ATP8A1: variants seen among roughly 807,000 people sequenced by gnomAD.
The protein encoded by ATP8A1 is phospholipid-transporting ATPase IA.
In ATP8A1, 90 loss-of-function variants were observed where a neutral mutation model predicts 177.7. That is an observed-to-expected ratio of 0.51 (90% CI 0.43 to 0.60). ATP8A1 has a LOEUF of 0.60. Ranked by LOEUF, ATP8A1 falls within the 20% of genes least tolerant of loss-of-function variation. The pLI is 0.00. For missense variants in ATP8A1, 1,072 were observed against 1,392.8 expected, an observed-to-expected ratio of 0.77 and a Z score of 3.67; for synonymous variants, 493 against 485.9, an observed-to-expected ratio of 1.01 and a Z score of -0.19.
At chr4:42,426,073 T>C (rs1202497064) in intron 33 of ATP8A1, among the ~76,000 whole-genome samples, 2 of 152,214 alleles carry the variant, frequency 1.3e-5, no homozygotes, top group Admixed American at 6.5e-5. Flanking sequence ...GAAGAGGAAT[T>C]GTTCTGAAAT....
At chr4:42,540,999 A>C (rs1177898985) in intron 20 of ATP8A1, among the ~76,000 whole-genome samples, 1 of 152,058 alleles carries the variant, frequency 6.6e-6, no homozygotes, top group African/African-American at 2.4e-5. Context: ...GTACCCCATA[A>C]ATGTGTACAA....
chr4:42,641,321 C>T (rs192368740), intron 1 of ATP8A1, among the ~76,000 whole-genome samples: 90 of 152,208 alleles, frequency 5.9e-4, no homozygotes, highest in Non-Finnish European at 1.2e-3. Flanking sequence ...GCTTTTATTG[C>T]TTTCTTATCA....
At chr4:42,567,573 A>T (rs79916448) in intron 15 of ATP8A1, among the ~76,000 whole-genome samples, 1 of 152,180 alleles carries the variant, frequency 6.6e-6, no homozygotes, top group Non-Finnish European at 1.5e-5. Context: ...CGGTAGTGAA[A>T]GCCTTCCCTA....
At position 42,452,837 on chromosome 4, in the gene ATP8A1, T is replaced by G. The variant is rs562193714; in HGVS notation, c.2818-778A>C. On this transcript the variant is annotated intron_variant, in intron 29 of 36. Coordinates refer to ENST00000381668, the MANE Select transcript of ATP8A1 (RefSeq NM_006095.2). Reference sequence around the variant, plus strand: ...AGTTTTGTCATTTAAAAGTGCTTCTTGCAAACAAAACTTATGCTAAATAAA... The same window carrying G: ...AGTTTTGTCATTTAAAAGTGCTTCTGGCAAACAAAACTTATGCTAAATAAA... Among the ~76,000 whole-genome samples, 23 of 152,348 alleles carry G rather than the reference T, an allele frequency of 1.5e-4. No homozygotes were observed. In the South Asian group the frequency reaches 4.8e-3, roughly 32 times the overall value.
intron 18 of ATP8A1, among the ~76,000 whole-genome samples, chr4:42,549,578 C>T (rs1055439874): frequency 1.3e-5 from 2 of 151,926 alleles, no homozygotes. Flanking sequence ...CAAAGGAGCT[C>T]AGGAGTTCAA....
At chr4:42,611,193 T>C (rs1428024884) in intron 5 of ATP8A1, among the ~76,000 whole-genome samples, 2 of 152,174 alleles carry the variant, frequency 1.3e-5, no homozygotes, top group East Asian at 3.8e-4. Context: ...TTAGTGGCTA[T>C]CAGCTGTCAC....
chr4:42,522,352 T>C, intron 21 of ATP8A1, 53 bp from the exon 22 acceptor site: 4 of 1,580,822 alleles, frequency 2.5e-6, no homozygotes, highest in Non-Finnish European at 3.4e-6. Context: ...TCTTCAGAAG[T>C]CTGAGGTTTC....
chr4:42,518,477 C>G (rs71610024), intron 22 of ATP8A1, among the ~76,000 whole-genome samples: 15 of 152,168 alleles, frequency 9.9e-5, no homozygotes, highest in Non-Finnish European at 1.8e-4. Context: ...GGAGCACCCA[C>G]GAGGGCAAGG....
Position 42,578,311 on chromosome 4 carries a change from T to TAAGC in ATP8A1, c.1073_1076dup (p.Val361IlefsTer20). 1 of 1,611,986 alleles carries TAAGC rather than the reference T, an allele frequency of 6.2e-7. No individual in the cohort carries two copies. The highest frequency in any genetic ancestry group is 8.5e-7 in the Non-Finnish European group (1 of 1,178,834). On this transcript the variant is annotated frameshift_variant, in exon 12 of 37. Transcript: ENST00000381668. LOFTEE classifies it high-confidence loss of function. ...ATTTCACAACTTCTAATGTAACCAA[T>TAAGC]AAGCTGATAGGAATGAGATTGTTGA...
intron 16 of ATP8A1, among the ~76,000 whole-genome samples, chr4:42,554,908 C>T (rs1351247375): frequency 6.6e-6 from 1 of 152,178 alleles, no homozygotes; most frequent in African/African-American, 2.4e-5. Flanking sequence ...AAAGGCTAGA[C>T]TGGCTTAGCC....
intron 25 of ATP8A1, chr4:42,472,374 A>G: frequency 2.7e-6 from 1 of 377,260 alleles, no homozygotes; most frequent in South Asian, 2.3e-5. Context: ...CAGAGTTTCC[A>G]TTGTAAACAA....
chr4:42,513,524 TGG>T (rs1411016262), intron 22 of ATP8A1, among the ~76,000 whole-genome samples: 25 of 151,526 alleles, frequency 1.6e-4, no homozygotes, highest in Non-Finnish European at 2.2e-4. Flanking sequence ...TGGGGAGAGG[TGG>T]GGAAGGATAA....
Position 42,590,870 on chromosome 4 carries a change from C to G in ATP8A1, c.465G>C (p.Glu155Asp). The G allele has an allele frequency of 6.2e-7, 1 of 1,612,794 alleles. No individual in the cohort carries two copies. The highest frequency in any genetic ancestry group is 8.5e-7 in the Non-Finnish European group (1 of 1,179,720). The change falls in exon 7 of 37, where the codon GAG becomes GAC. Residue 155 changes from glutamate (E) to aspartate (D), a missense_variant. Glu to Asp is a conservative substitution (Grantham distance 45, BLOSUM62 2). Coordinates refer to ENST00000381668, the MANE Select transcript of ATP8A1 (RefSeq NM_006095.2). ...IVHWEKVAVG[E>D]IVKVTNGEHL... The stretch of plus-strand genomic sequence containing the variant: ...GTTCCCCATTGGTCACTTTCACTAT[C>G]TCCCCTACTGCCACCTACACGTCCC...
At chr4:42,433,773 G>A (rs1179801322) in intron 33 of ATP8A1, among the ~76,000 whole-genome samples, 8 of 151,658 alleles carry the variant, frequency 5.3e-5, no homozygotes, top group South Asian at 4.2e-4. Context: ...TTATCATCTC[G>A]TGGGGGCTAA....
At chr4:42,567,628 A>G (rs1314215817) in intron 15 of ATP8A1, among the ~76,000 whole-genome samples, 1 of 152,222 alleles carries the variant, frequency 6.6e-6, no homozygotes, top group African/African-American at 2.4e-5. Flanking sequence ...ATATGTAACT[A>G]TAAGTGGAAA....
At chr4:42,542,424 GCT>G (rs1404807075) in intron 20 of ATP8A1, among the ~76,000 whole-genome samples, 1 of 151,778 alleles carries the variant, frequency 6.6e-6, no homozygotes, top group African/African-American at 2.4e-5. Context: ...GGTCTTAAAG[GCT>G]CTCTTTTTTA....
chr4:42,591,752 A>G (rs959951851), intron 6 of ATP8A1, among the ~76,000 whole-genome samples: 3 of 152,188 alleles, frequency 2.0e-5, no homozygotes, highest in African/African-American at 7.2e-5. Flanking sequence ...AGCCTACGAA[A>G]CACAGTAACT....
intron 24 of ATP8A1, among the ~76,000 whole-genome samples, chr4:42,494,133 AGAGGTTGCAGT>A (rs1723005606): frequency 7.7e-6 from 1 of 129,122 alleles, no homozygotes; most frequent in African/African-American, 2.8e-5. Flanking sequence ...CCCAGGAGGC[AGAGGTTGCAGT>A]GAGCCAAGAT....
rs759874687 is a variant in ATP8A1, at chr4:42,590,901, A to G, written c.451-17T>C. The G allele has an allele frequency of 1.9e-6, 3 of 1,549,642 alleles. No homozygotes were observed. The highest frequency in any genetic ancestry group is 2.6e-6 in the Non-Finnish European group (3 of 1,149,208). On this transcript the variant is annotated splice_polypyrimidine_tract_variant and intron_variant, in intron 6 of 36. Transcript: ENST00000381668. ...TACTGCCACCTACACGTCCCAGTAT[A>G]AAATAATTAAAATGGCCAAAAAAAA... is the stretch of plus-strand genomic sequence containing the variant.
Sources: allele counts gnomAD v4.1 joint callset (sites outside exome capture counted in the v4.1 genomes callset), GRCh38; gene constraint gnomAD v4.1.1; transcripts MANE v1.5; gene names NCBI Gene and HGNC (gene_info 2026-07-23, HGNC 2026-07-21).